The following MGAT4C variants were observed in gnomAD, a reference collection of about 807,000 sequenced individuals.
MGAT4C encodes the protein alpha-1,3-mannosyl-glycoprotein 4-beta-N-acetylglucosaminyltransferase C.
A neutral mutation model predicts 40.1 loss-of-function variants in MGAT4C; 19 were observed. The observed-to-expected ratio is 0.47, with a 90% CI of 0.33 to 0.70. MGAT4C has a LOEUF of 0.70. Among genes scored for constraint, MGAT4C ranks in the 30% least tolerant of loss-of-function variants. The pLI is 0.02. For synonymous variants in MGAT4C, 181 were observed against 187.1 expected (o/e 0.97, Z 0.27); for missense variants, 491 against 563.2 (o/e 0.87, Z 1.30).
chr12:86,065,457 A>C (rs1565931257), intron 1 of MGAT4C, among the ~76,000 whole-genome samples: 1 of 152,156 alleles, frequency 6.6e-6, no homozygotes. Flanking sequence ...AATGACAAAA[A>C]CCACATGATT....
intron 4 of MGAT4C, 102 bp from the exon 5 acceptor site, chr12:85,980,532 T>TGTAG: frequency 1.9e-6 from 2 of 1,031,220 alleles, no homozygotes; most frequent in Non-Finnish European, 2.8e-6. Flanking sequence ...TTACTACATA[T>TGTAG]TAAGTAAATC....
intron 2 of MGAT4C, among the ~76,000 whole-genome samples, chr12:86,560,292 G>T (rs944051924): frequency 2.0e-5 from 3 of 151,834 alleles, no homozygotes; most frequent in African/African-American, 7.3e-5. Context: ...CTATGAGGCT[G>T]GCATTACCAT....
chr12:86,271,004 C>A (rs1373937280), intron 4 of MGAT4C, among the ~76,000 whole-genome samples: 2 of 152,056 alleles, frequency 1.3e-5, no homozygotes, highest in Admixed American at 1.3e-4. Context: ...TCCACACATG[C>A]AACAATTAAC....
intron 2 of MGAT4C, among the ~76,000 whole-genome samples, chr12:86,619,908 T>C (rs1351571442): frequency 1.3e-5 from 2 of 152,210 alleles, no homozygotes; most frequent in Non-Finnish European, 2.9e-5. Context: ...CTCTGATAGT[T>C]ACTTTAGAAT....
Position 86,504,689 on chromosome 12 carries a change from C to CT in MGAT4C, c.-228-69425dup, listed in dbSNP as rs200819234. On this transcript the variant is annotated intron_variant, in intron 2 of 7. Transcript: ENST00000548651. ...GACAACATATACATAGGAAAACAAT[C>CT]TTTTTTTTTATTTTTGAGACAGCAT... 7.7e-3 allele frequency among the ~76,000 whole-genome samples: 1,172 copies of CT among 151,564 alleles called. 6 individuals are homozygous for CT. The highest frequency in any genetic ancestry group is 0.017 in the Middle Eastern group (5 of 294).
chr12:86,595,915 G>A (rs1422403939), intron 2 of MGAT4C, among the ~76,000 whole-genome samples: 1 of 151,782 alleles, frequency 6.6e-6, no homozygotes, highest in African/African-American at 2.4e-5. Context: ...ACCACCTCCA[G>A]TCTAACAGTT....
chr12:86,684,647 A>G (rs1950039792), intron 2 of MGAT4C, among the ~76,000 whole-genome samples: 1 of 152,184 alleles, frequency 6.6e-6, no homozygotes, highest in South Asian at 2.1e-4. Flanking sequence ...CACTTCCACC[A>G]ACAGTGTAAA....
At position 86,427,488 on chromosome 12, in the gene MGAT4C, T is replaced by C. The variant is rs141840535; in HGVS notation, c.-120+7669A>G. ...AATTTTGTTTAAATTATAGAATTAT[T>C]TCATTCTCCCATCCACCTTACACAC... On this transcript the variant is annotated intron_variant, in intron 3 of 7. Transcript: ENST00000548651. Among the ~76,000 whole-genome samples the C allele has an allele frequency of 1.2e-3, 188 of 152,138 alleles. 4 individuals are homozygous for C. The highest frequency in any genetic ancestry group is 4.3e-3 in the African/African-American group (177 of 41,508).
At chr12:86,037,541 T>C (rs1193438819) in intron 2 of MGAT4C, among the ~76,000 whole-genome samples, 1 of 150,356 alleles carries the variant, frequency 6.7e-6, no homozygotes, top group Admixed American at 6.7e-5. Flanking sequence ...CTTCATTTCA[T>C]TATTTACGCA....
intron 3 of MGAT4C, among the ~76,000 whole-genome samples, chr12:86,368,519 G>C (rs1005708390): frequency 6.6e-6 from 1 of 151,144 alleles, no homozygotes; most frequent in Non-Finnish European, 1.5e-5. Context: ...TTTAATGTAG[G>C]TGATTATCAC....
chr12:86,804,794 T>C (rs774888841), intron 1 of MGAT4C, among the ~76,000 whole-genome samples: 6 of 152,042 alleles, frequency 3.9e-5, no homozygotes, highest in East Asian at 1.9e-4. Context: ...GGCAAACTTA[T>C]GGCACATTTT....
At chr12:86,211,979 C>T (rs1461115083) in intron 1 of MGAT4C, among the ~76,000 whole-genome samples, 1 of 152,082 alleles carries the variant, frequency 6.6e-6, no homozygotes, top group African/African-American at 2.4e-5. Context: ...ATTCCAGGTG[C>T]CTTTTTAGAG....
In MGAT4C at chr12:86,700,138, T is replaced by TAGAC. The variant is rs60647571; in HGVS notation, c.-229+27067_-229+27070dup. ...TAGGTAGATAGATAATGTAGATAGA[T>TAGAC]AGACAGACAGACAGACAGACAGACA... is the stretch of plus-strand genomic sequence containing the variant. On this transcript the variant is annotated intron_variant, in intron 2 of 7. Coordinates refer to the MGAT4C transcript ENST00000548651. Among the ~76,000 whole-genome samples, 1,170 of 142,264 alleles carry TAGAC rather than the reference T, an allele frequency of 8.2e-3. 18 individuals carry two copies. The highest frequency in any genetic ancestry group is 0.026 in the African/African-American group (998 of 38,134). The allele number at this position is 142,264 out of a possible 152,430, so 93.3% of individuals were successfully genotyped here.
At chr12:86,327,720 A>T (rs1954559628) in intron 4 of MGAT4C, among the ~76,000 whole-genome samples, 1 of 152,152 alleles carries the variant, frequency 6.6e-6, no homozygotes, top group South Asian at 2.1e-4. Flanking sequence ...TACAAAAAAA[A>T]TTGAATATGC....
At chr12:86,752,128 A>G (rs1317472532) in intron 1 of MGAT4C, among the ~76,000 whole-genome samples, 1 of 151,972 alleles carries the variant, frequency 6.6e-6, no homozygotes, top group Non-Finnish European at 1.5e-5. Flanking sequence ...GCTTCTATGT[A>G]TTTTATATAG....
chr12:86,020,712 C>T (rs1889621413), intron 2 of MGAT4C, among the ~76,000 whole-genome samples: 1 of 152,140 alleles, frequency 6.6e-6, no homozygotes, highest in South Asian at 2.1e-4. Context: ...AAAGCAATGG[C>T]AACAAAAGCC....
At chr12:86,838,106 A>G (rs535944244) in intron 1 of MGAT4C, among the ~76,000 whole-genome samples, 23 of 152,328 alleles carry the variant, frequency 1.5e-4, no homozygotes, top group African/African-American at 4.1e-4. Context: ...ACTCAAAAAT[A>G]GATATCTGTA....
intron 1 of MGAT4C, among the ~76,000 whole-genome samples, chr12:86,829,391 T>C (rs1273020237): frequency 6.6e-6 from 1 of 151,588 alleles, no homozygotes; most frequent in Non-Finnish European, 1.5e-5. Flanking sequence ...TGTCATCCTA[T>C]AAATATTCTT....
intron 1 of MGAT4C, among the ~76,000 whole-genome samples, chr12:86,227,715 A>G (rs1055130859): frequency 1.3e-5 from 2 of 151,946 alleles, no homozygotes; most frequent in African/African-American, 4.8e-5. Context: ...CCATAAATGT[A>G]TTTGAGAGGA....
Sources: gnomAD v4.1 joint callset for allele counts (sites outside exome capture counted in the v4.1 genomes callset) on GRCh38, gnomAD v4.1.1 for gene constraint, MANE v1.5 for transcripts, NCBI Gene and HGNC (gene_info 2026-07-23, HGNC 2026-07-21) for gene names.